DNAH2: variants seen among roughly 807,000 people sequenced by gnomAD.
The protein encoded by DNAH2 is dynein axonemal heavy chain 2.
A neutral mutation model predicts 523.5 loss-of-function variants in DNAH2; 323 were observed. The observed-to-expected ratio is 0.62, with a 90% CI of 0.56 to 0.68. The LOEUF (loss-of-function observed/expected upper bound fraction) is 0.68. DNAH2 is among the 30% of genes least tolerant of loss of function. DNAH2 has a pLI of 0.00. For synonymous variants in DNAH2, 2,093 were observed against 2,177.4 expected, an observed-to-expected ratio of 0.96 and a Z score of 1.08; for missense variants, 4,907 against 5,701.5, an observed-to-expected ratio of 0.86 and a Z score of 4.49.
chr17:7,754,956 G>A lies in DNAH2; in HGVS notation c.1905-2135G>A, dbSNP rs2075795301. 1.3e-5 allele frequency: 5 copies of A among 376,940 alleles called. No individual in the cohort carries two copies. The highest frequency in any genetic ancestry group is 2.4e-5 in the Non-Finnish European group (5 of 212,048). The allele number at this position is 376,940 out of a possible 1,614,324, so 23.3% of individuals were successfully genotyped here. Reference sequence around the variant, plus strand: ...CCTCCTGCGCTATTGGTACAAATAAGCCTGAGGCAGAAAAAAAAAAAAAAA... The same window carrying A: ...CCTCCTGCGCTATTGGTACAAATAAACCTGAGGCAGAAAAAAAAAAAAAAA... On this transcript the variant is annotated intron_variant, in intron 12 of 85. Transcript: ENST00000572933. This position sits in a 1 kb window ranked among gnomAD's most constrained non-coding sequence, Gnocchi z 4.6.
At chr17:7,771,906 G>A (rs2076327954) in intron 28 of DNAH2, among the ~76,000 whole-genome samples, 1 of 151,938 alleles carries the variant, frequency 6.6e-6, no homozygotes. Flanking sequence ...TAGTAGAGAT[G>A]GCGTTTCACC....
intron 58 of DNAH2, among the ~76,000 whole-genome samples, chr17:7,803,193 T>C (rs574496366): frequency 1.4e-4 from 22 of 152,132 alleles, no homozygotes; most frequent in African/African-American, 5.3e-4. Context: ...AGTCCCACAA[T>C]ACACCCGCCG....
chr17:7,766,401 G>A lies in DNAH2; in HGVS notation c.3595G>A (p.Glu1199Lys). The A allele has an allele frequency of 6.2e-7, 1 of 1,614,100 alleles. No individual in the cohort carries two copies. Among genetic ancestry groups the A allele is most frequent in the South Asian group, 1.1e-5 (1 of 91,076 alleles). ...VRAMLMAMREEENSLRANLGI... is the reference protein window; with the variant it reads ...VRAMLMAMREKENSLRANLGI... ...GGCCATGCTGATGGCCATGCGGGAA[G>A]AGGAAAATAGTCTCCGAGCCAACCT... The change falls in exon 22 of 86, where the codon GAG (glutamate) becomes AAG (lysine). Residue 1199 changes from glutamate to lysine, a missense_variant. Physicochemically the swap from Glu to Lys is moderately conservative, Grantham distance 56. Around this residue, in one of 3 missense-constraint regions of DNAH2, gnomAD observed 2,806 missense variants for 3,190.8 expected, o/e 0.88. Coordinates refer to ENST00000572933, the MANE Select transcript of DNAH2 (RefSeq NM_020877.5).
chr17:7,804,017 G>T lies in DNAH2; in HGVS notation c.8973-239G>T, dbSNP rs2077294802. On this transcript the variant is annotated intron_variant, in intron 58 of 85. Coordinates refer to ENST00000572933, the MANE Select transcript of DNAH2 (RefSeq NM_020877.5). ...GAGACTGTTTAACAAGCTGATTCTG[G>T]TAGTGGTGTGTAGAACAAACCAGAG... Among the ~76,000 whole-genome samples, 7 of 152,170 alleles carry T rather than the reference G, an allele frequency of 4.6e-5. 1 individual carries two copies. Among genetic ancestry groups the T allele is most frequent in the Admixed American group, 4.6e-4 (7 of 15,278 alleles).
At position 7,786,310 on chromosome 17, in the gene DNAH2, C is replaced by T. The variant is rs200178920; in HGVS notation, c.6316C>T (p.Arg2106Cys). Reference sequence around the variant, plus strand: ...ACAGGCCTCCCTGTCCTCTCTGTGCCGCGCCGGAGACCCTAACTTCAACAT... The same window carrying T: ...ACAGGCCTCCCTGTCCTCTCTGTGCTGCGCCGGAGACCCTAACTTCAACAT... ...ILQASLSSLCRAGDPNFNIVR... is the reference protein window; with the variant it reads ...ILQASLSSLCCAGDPNFNIVR... The change falls in exon 40 of 86, where the codon CGC (arginine) becomes TGC (cysteine). Residue 2106 changes from arginine to cysteine, a missense_variant. By Grantham distance (180) the Arg-to-Cys change is radical. This residue lies in a region of DNAH2 where 2,806 missense variants were observed against 3,190.8 expected (regional missense o/e 0.88). Coordinates refer to ENST00000572933, the MANE Select transcript of DNAH2 (RefSeq NM_020877.5). This position sits in a 1 kb window ranked among gnomAD's most constrained non-coding sequence, Gnocchi z 7.5. The T allele has an allele frequency of 8.5e-5, 137 of 1,613,530 alleles. No individual in the cohort carries two copies. Among genetic ancestry groups the T allele is most frequent in the Non-Finnish European group, 1.1e-4 (124 of 1,180,002 alleles).
chr17:7,730,509 C>T (rs2074952626), intron 4 of DNAH2, among the ~76,000 whole-genome samples: 1 of 152,142 alleles, frequency 6.6e-6, no homozygotes, highest in South Asian at 2.1e-4. Flanking sequence ...CACTGTATTC[C>T]ACAAAATTTG....
At chr17:7,818,203 C>T in intron 68 of DNAH2, 107 bp downstream of exon 68, 3 of 1,595,544 alleles carry the variant, frequency 1.9e-6, no homozygotes, top group East Asian at 2.2e-5. Flanking sequence ...ACAGCCCTGG[C>T]CTGGGGCCTT....
At chr17:7,775,158 A>C in intron 29 of DNAH2, 83 bp from the exon 30 acceptor site, 4 of 1,425,388 alleles carry the variant, frequency 2.8e-6, no homozygotes, top group Non-Finnish European at 3.9e-6. Flanking sequence ...AGGAGCAGTA[A>C]TTATCCTCAA....
chr17:7,722,196 G>T (rs562322668), intron 2 of DNAH2, among the ~76,000 whole-genome samples: 44 of 144,768 alleles, frequency 3.0e-4, no homozygotes, highest in East Asian at 4.0e-4. Flanking sequence ...ACGGGGGGGG[G>T]GGTTCACCAT....
Position 7,823,817 on chromosome 17 carries a change from ACTC to A in DNAH2, c.11330-16_11330-14del. The A allele has an allele frequency of 8.1e-6, 13 of 1,612,746 alleles. No homozygotes were observed. Among genetic ancestry groups the A allele is most frequent in the Non-Finnish European group, 1.0e-5 (12 of 1,179,214 alleles). On this transcript the variant is annotated splice_polypyrimidine_tract_variant and intron_variant, in intron 74 of 85. Transcript: ENST00000572933. ...AGACTCACTCCCTCTCCCTGCAATG[ACTC>A]ACCTCATCCCCAGGTGAGTGGGAAA...
intron 63 of DNAH2, among the ~76,000 whole-genome samples, chr17:7,815,220 C>G (rs2077626385): frequency 6.6e-6 from 1 of 152,234 alleles, no homozygotes; most frequent in Non-Finnish European, 1.5e-5. Context: ...CGTGCCATAG[C>G]CCACATCACC....
At chr17:7,763,484 T>G (rs1163519613) in intron 18 of DNAH2, among the ~76,000 whole-genome samples, 1 of 152,102 alleles carries the variant, frequency 6.6e-6, no homozygotes, top group Non-Finnish European at 1.5e-5. Flanking sequence ...TTTCACCATG[T>G]TGGCTAGGCT....
intron 12 of DNAH2, among the ~76,000 whole-genome samples, chr17:7,756,357 C>T (rs1205787515): frequency 6.6e-6 from 1 of 151,990 alleles, no homozygotes; most frequent in East Asian, 1.9e-4. Flanking sequence ...CTCACTGCAA[C>T]CTCCACCTCC....
rs200348517 is a variant in DNAH2 at position 7,723,734 on chromosome 17, T to C, written c.228+45T>C. 186 of 1,552,734 alleles carry C rather than the reference T, an allele frequency of 1.2e-4. No homozygotes were observed. The East Asian group carries it at 1.9e-3, about 16-fold the overall frequency. ...GTGGCAGATATTCCTCCCCCAAAAC[T>C]GGTGAATCAAAGGATCAGTTGTGGA... is the stretch of plus-strand genomic sequence containing the variant. On this transcript the variant is annotated intron_variant, in intron 3 of 85. Coordinates refer to ENST00000572933, the MANE Select transcript of DNAH2 (RefSeq NM_020877.5).
At chr17:7,773,472 C>T (rs912817413) in intron 28 of DNAH2, among the ~76,000 whole-genome samples, 4 of 152,066 alleles carry the variant, frequency 2.6e-5, no homozygotes, top group Non-Finnish European at 5.9e-5. Flanking sequence ...CAGTGTCCCC[C>T]CCACCCACTG....
At chr17:7,750,126 C>T (rs2075643961) in intron 12 of DNAH2, among the ~76,000 whole-genome samples, 1 of 152,034 alleles carries the variant, frequency 6.6e-6, no homozygotes, top group Non-Finnish European at 1.5e-5. Flanking sequence ...TCAGGTGATC[C>T]ACACACCTCA....
Position 7,759,011 on chromosome 17 carries a change from G to T in DNAH2, c.2335G>T (p.Glu779Ter). ...GGTATACAGGGACCTGGAATTTGAA[G>T]AGGACCAAAGAGAGCATCGGGCAGC... ...KRVYRDLEFE[E>*]DQREHRAAVQ... Residue 779 changes from glutamate to a stop codon, truncating the protein, a stop_gained, in exon 15 of 86, where the codon GAG becomes TAG. Coordinates refer to ENST00000572933, the MANE Select transcript of DNAH2 (RefSeq NM_020877.5). LOFTEE classifies it high-confidence loss of function. 1 of 1,614,198 alleles carries T rather than the reference G, an allele frequency of 6.2e-7. No homozygotes were observed. The highest frequency in any genetic ancestry group is 1.3e-5 in the African/African-American group (1 of 75,046).
At position 7,794,532 on chromosome 17, in the gene DNAH2, G is replaced by A. The variant is rs374136754; in HGVS notation, c.7674+174G>A. On this transcript the variant is annotated intron_variant, in intron 49 of 85. Coordinates refer to ENST00000572933, the MANE Select transcript of DNAH2 (RefSeq NM_020877.5). The stretch of plus-strand genomic sequence containing the variant: ...CTGGCTCCTGAGCTAGGAGAGCTAC[G>A]GGTTGGAAGCGTACCTTCCTGGCTG... Among the ~76,000 whole-genome samples, 5 of 152,270 alleles carry A rather than the reference G, an allele frequency of 3.3e-5. No homozygotes were observed. In the East Asian group the frequency reaches 7.7e-4, roughly 24 times the overall value.
chr17:7,723,268 CTTTTTTT>C (rs58689789), intron 2 of DNAH2, among the ~76,000 whole-genome samples: 1 of 59,914 alleles, frequency 1.7e-5, no homozygotes, highest in Non-Finnish European at 2.7e-5. Context: ...CTGTACCCGG[CTTTTTTT>C]TTTTTTTTTT....
Sources: allele counts gnomAD v4.1 joint callset (sites outside exome capture counted in the v4.1 genomes callset), GRCh38; gene constraint gnomAD v4.1.1; regional missense constraint gnomAD v4.1.1; non-coding constraint Gnocchi (gnomAD v3.1); transcripts MANE v1.5; gene names NCBI Gene and HGNC (gene_info 2026-07-23, HGNC 2026-07-21).